The following PFKFB3 variants were observed in gnomAD, a reference collection of about 807,000 sequenced individuals.
The protein encoded by PFKFB3 is 6-phosphofructo-2-kinase/fructose-2,6-biphosphatase 3, also known as 6-phosphofructo-2-kinase/fructose-2,6-bisphosphatase 3.
PFKFB3 carries 33 observed loss-of-function variants against 68.0 expected under a neutral mutation model. The ratio of observed to expected loss-of-function variants is 0.49; its 90% CI spans 0.37 to 0.65. The LOEUF is 0.65. Among genes scored for constraint, PFKFB3 ranks in the 30% least tolerant of loss-of-function variants. The pLI, the probability that PFKFB3 is intolerant of heterozygous loss-of-function variation, is 0.00. For missense variants in PFKFB3, 586 were observed against 712.2 expected (o/e 0.82, Z 2.02); for synonymous variants, 315 against 288.2 (o/e 1.09, Z -0.94).
In PFKFB3 at chr10:6,226,891, GC is replaced by G. The variant is rs1845396637; in HGVS notation, c.1515+528del. Among the ~76,000 whole-genome samples, 5 of 152,334 alleles carry G rather than the reference GC, an allele frequency of 3.3e-5. 1 individual carries two copies. In the South Asian group the frequency reaches 1.0e-3, roughly 32 times the overall value. ...ACCTGAGGACAAGAGTTCCAGACCA[GC>G]CTGGCCAACATGGCGAAACCCTGTC... is the stretch of plus-strand genomic sequence containing the variant. On this transcript the variant is annotated intron_variant, in intron 14 of 14. Transcript: ENST00000379775.
rs1199927608 is a variant in PFKFB3 at position 6,215,024 on chromosome 10, C to T, written c.203-197C>T. ...GGGCATTGCAGCTGGACTGGGGAAG[C>T]CGGGCAGCCTGTGCCCTGCTGTCCT... On this transcript the variant is annotated intron_variant, in intron 2 of 14. Transcript: ENST00000379775. This position sits in a 1 kb window ranked among gnomAD's most constrained non-coding sequence, Gnocchi z 4.3. 6.6e-6 allele frequency among the ~76,000 whole-genome samples: 1 copy of T among 152,224 alleles called. No homozygotes were observed. Among genetic ancestry groups the T allele is most frequent in the Non-Finnish European group, 1.5e-5 (1 of 68,038 alleles).
upstream of PFKFB3, among the ~76,000 whole-genome samples, chr10:6,200,671 G>GC (rs1843313830): frequency 7.4e-6 from 1 of 134,950 alleles, no homozygotes. Context: ...GGGGGGGGGG[G>GC]GGGGCGGGGG....
In PFKFB3 at chr10:6,213,757, G is replaced by T. The variant is rs767233787; in HGVS notation, c.202+9G>T. 1 of 1,610,336 alleles carries T rather than the reference G, an allele frequency of 6.2e-7. No individual in the cohort carries two copies. Among genetic ancestry groups the T allele is most frequent in the African/African-American group, 1.3e-5 (1 of 74,806 alleles). Reference sequence around the variant, plus strand: ...TGGCGTCCCCACAAAAGGTGAGACTGGGTCTCGAGGCCGGACCCCTGCTCG... The same window carrying T: ...TGGCGTCCCCACAAAAGGTGAGACTTGGTCTCGAGGCCGGACCCCTGCTCG... On this transcript the variant is annotated intron_variant, in intron 2 of 14. Coordinates refer to ENST00000379775, the MANE Select transcript of PFKFB3 (RefSeq NM_004566.4).
At chr10:6,323,959 G>A in the PFKFB3 span, among the ~76,000 whole-genome samples, 1 of 152,164 alleles carries the variant, frequency 6.6e-6, no homozygotes, top group Admixed American at 6.5e-5. Context: ...GTTCATAGCA[G>A]CATTAATCAC....
At chr10:6,259,582 T>TC (rs1564239571), downstream of PFKFB3, among the ~76,000 whole-genome samples, 155 of 135,028 alleles carry the variant, frequency 1.1e-3, no homozygotes, top group Middle Eastern at 7.6e-3. Context: ...ATCCATCCAC[T>TC]CATCCATCCA....
downstream of PFKFB3, among the ~76,000 whole-genome samples, chr10:6,238,477 C>CCAA (rs1846070841): frequency 6.7e-5 from 6 of 89,552 alleles, no homozygotes; most frequent in Non-Finnish European, 1.2e-4. Context: ...GGTGCCATCT[C>CCAA]AAAAAAAAAA....
intron 1 of PFKFB3, among the ~76,000 whole-genome samples, chr10:6,159,749 A>G (rs77402456): frequency 0.01 from 1,569 of 151,552 alleles, 66 homozygotes; most frequent in East Asian, 0.097. Context: ...CATCAAAATC[A>G]TTACATATGG....
the PFKFB3 span, among the ~76,000 whole-genome samples, chr10:6,294,439 G>A: frequency 6.6e-6 from 1 of 152,172 alleles, no homozygotes; most frequent in Non-Finnish European, 1.5e-5. Context: ...AAGAGAGCGT[G>A]TGCAGGGAAA....
chr10:6,224,048 T>TC, intron 12 of PFKFB3, 28 bp downstream of exon 12: 1 of 1,613,676 alleles, frequency 6.2e-7, no homozygotes, highest in Admixed American at 1.7e-5. Context: ...CCAAGCCCTG[T>TC]CCCCCTGAAG....
the PFKFB3 span, among the ~76,000 whole-genome samples, chr10:6,271,493 A>T: frequency 1.3e-5 from 2 of 152,198 alleles, no homozygotes; most frequent in African/African-American, 4.8e-5. Context: ...GGGAAGCCGA[A>T]TTCTTTGAGA....
chr10:6,184,924 G>A (rs1016257032), intron 1 of PFKFB3, among the ~76,000 whole-genome samples: 10 of 151,976 alleles, frequency 6.6e-5, no homozygotes, highest in African/African-American at 1.5e-4. Flanking sequence ...TGGCTCTTAC[G>A]TGCCACAGGT....
chr10:6,225,644 G>GC (rs1845291284), intron 13 of PFKFB3, among the ~76,000 whole-genome samples: 1 of 152,204 alleles, frequency 6.6e-6, no homozygotes, highest in South Asian at 2.1e-4. Flanking sequence ...CCTGCTTCCT[G>GC]CTGCACATTT....
downstream of PFKFB3, among the ~76,000 whole-genome samples, chr10:6,239,680 A>G (rs1397743091): frequency 6.6e-6 from 1 of 152,002 alleles, no homozygotes; most frequent in Non-Finnish European, 1.5e-5. Flanking sequence ...AGACTTTCTA[A>G]TATTTTTTTT....
Position 6,203,064 on chromosome 10 carries a change from A to G in PFKFB3, c.-197A>G. 7.2e-7 allele frequency: 1 copy of G among 1,396,698 alleles called. No homozygotes were observed. The highest frequency in any genetic ancestry group is 9.3e-7 in the Non-Finnish European group (1 of 1,080,340). 86.5% of individuals were successfully genotyped at this position (1,396,698 alleles called of 1,614,324 possible). On this transcript the variant is annotated 5_prime_UTR_variant, in exon 1 of 15. Transcript: ENST00000379775. Reference sequence around the variant, plus strand: ...GCATCCCCAGCCTCGCTACCCTCGCAGCACACGTCGAGCCCCGCACAGGCG... The same window carrying G: ...GCATCCCCAGCCTCGCTACCCTCGCGGCACACGTCGAGCCCCGCACAGGCG...
In PFKFB3 at chr10:6,217,188, C is replaced by A; in HGVS notation, c.495C>A (p.Ile165=). 6.2e-7 allele frequency: 1 copy of A among 1,613,818 alleles called. No homozygotes were observed. The highest frequency in any genetic ancestry group is 8.5e-7 in the Non-Finnish European group (1 of 1,179,684). Residue 165 remains isoleucine, a synonymous_variant, in exon 6 of 15, where the codon ATC becomes ATA. Coordinates refer to ENST00000379775, the MANE Select transcript of PFKFB3 (RefSeq NM_004566.4). ...ACCCTACAGTTGTGGCCTCCAATAT[C>A]ATGGTAAGACAGCCGGGAGCCCCGT... ...CDDPTVVASN[I]MEVKISSPDY...
At chr10:6,225,319 G>C (rs948998860) in intron 13 of PFKFB3, 1 of 412,484 alleles carries the variant, frequency 2.4e-6, no homozygotes, top group Non-Finnish European at 5.0e-6. Flanking sequence ...CGCCCCAGTC[G>C]CTGGCAGTTG....
At chr10:6,166,270 C>T (rs1332562769) in intron 1 of PFKFB3, among the ~76,000 whole-genome samples, 5 of 152,118 alleles carry the variant, frequency 3.3e-5, no homozygotes, top group South Asian at 4.1e-4. Context: ...TGTGAGCTAC[C>T]GTGGTAGAGA....
chr10:6,277,203 T>TTTTC, the PFKFB3 span, among the ~76,000 whole-genome samples: 1 of 151,888 alleles, frequency 6.6e-6, no homozygotes, highest in Non-Finnish European at 1.5e-5. Flanking sequence ...GATGGTTTCT[T>TTTTC]TTTCTTTCTT....
At chr10:6,214,063 A>G (rs1276505430) in intron 2 of PFKFB3, among the ~76,000 whole-genome samples, 1 of 152,094 alleles carries the variant, frequency 6.6e-6, no homozygotes, top group South Asian at 2.1e-4. Flanking sequence ...CCTAGCTAAC[A>G]TTCCTCTGCT....
Sources: gnomAD v4.1 joint callset for allele counts (sites outside exome capture counted in the v4.1 genomes callset) on GRCh38, gnomAD v4.1.1 for gene constraint, Gnocchi (gnomAD v3.1) non-coding constraint, MANE v1.5 for transcripts, NCBI Gene and HGNC (gene_info 2026-07-23, HGNC 2026-07-21) for gene names.